The following RPH3AL variants were observed in gnomAD, a reference collection of about 807,000 sequenced individuals.
RPH3AL encodes the protein rab effector Noc2.
Under a neutral mutation model 43.1 loss-of-function variants are expected in RPH3AL, and 38 were observed. The observed-to-expected ratio is 0.88, with a 90% CI of 0.68 to 1.15. RPH3AL has a LOEUF of 1.15. RPH3AL is among the 50% of genes most tolerant of loss of function. The probability of loss-of-function intolerance (pLI) is 0.00; values close to 1 mark genes in which losing one functional copy is unlikely to be tolerated. For missense variants in RPH3AL, 462 were observed against 423.2 expected, an observed-to-expected ratio of 1.09 and a Z score of -0.81; for synonymous variants, 189 against 176.3, an observed-to-expected ratio of 1.07 and a Z score of -0.57.
intron 6 of RPH3AL, 200 bp from the exon 7 acceptor site, chr17:247,485 C>G: frequency 1.9e-6 from 1 of 522,296 alleles, no homozygotes; most frequent in Non-Finnish European, 3.3e-6. Flanking sequence ...TCCAAACCTT[C>G]TTTCTCTCCC....
chr17:326,351 T>G (rs1163636820), intron 3 of RPH3AL, among the ~76,000 whole-genome samples: 2 of 152,158 alleles, frequency 1.3e-5, no homozygotes, highest in Non-Finnish European at 2.9e-5. Flanking sequence ...TAATTGCAAT[T>G]TTTTTTAATT....
rs1340516453 is a variant in RPH3AL, at chr17:309,605, G to A, written c.351+9815C>T. ...CCCAGGCTCCTGCCAGCCTCCTGCT[G>A]GGGGTCCAGGATATGGCACATCCCC... On this transcript the variant is annotated intron_variant, in intron 5 of 9. Transcript: ENST00000331302. Among the ~76,000 whole-genome samples, 4 of 122,090 alleles carry A rather than the reference G, an allele frequency of 3.3e-5. 1 individual carries two copies. Among genetic ancestry groups the A allele is most frequent in the African/African-American group, 1.2e-4 (4 of 33,928 alleles). The allele number at this position is 122,090 out of a possible 152,430, so 80.1% of individuals were successfully genotyped here.
At chr17:216,361 A>G (rs891361423) in intron 8 of RPH3AL, among the ~76,000 whole-genome samples, 1 of 152,042 alleles carries the variant, frequency 6.6e-6, no homozygotes, top group Non-Finnish European at 1.5e-5. Context: ...AAAGTCCACA[A>G]TTATCACAGA....
chr17:253,590 C>G (rs1428251076), intron 6 of RPH3AL, among the ~76,000 whole-genome samples: 1 of 152,120 alleles, frequency 6.6e-6, no homozygotes, highest in East Asian at 1.9e-4. Flanking sequence ...CAGAACTTGC[C>G]AAACTGAAAC....
intron 2 of RPH3AL, among the ~76,000 whole-genome samples, chr17:330,688 C>A (rs1416924698): frequency 6.6e-6 from 1 of 152,048 alleles, no homozygotes; most frequent in Non-Finnish European, 1.5e-5. Flanking sequence ...CCAGCCTGGG[C>A]AACATGGAGA....
At position 323,024 on chromosome 17, in the gene RPH3AL, A is replaced by G. The variant is rs890496826; in HGVS notation, c.78-1609T>C. ...GGCAGGGTAGATAAGGTGCTTTTAC[A>G]TAGCAAATTCCCAATTGCCTGCAAA... On this transcript the variant is annotated intron_variant, in intron 3 of 9. Coordinates refer to ENST00000331302, the MANE Select transcript of RPH3AL (RefSeq NM_006987.4). This position sits in a 1 kb window ranked among gnomAD's most constrained non-coding sequence, Gnocchi z 4.4. Among the ~76,000 whole-genome samples, 3 of 152,124 alleles carry G rather than the reference A, an allele frequency of 2.0e-5. No individual in the cohort carries two copies. Among genetic ancestry groups the G allele is most frequent in the Non-Finnish European group, 2.9e-5 (2 of 68,012 alleles).
At chr17:306,907 C>T (rs1275097991) in intron 5 of RPH3AL, among the ~76,000 whole-genome samples, 2 of 152,162 alleles carry the variant, frequency 1.3e-5, no homozygotes. Flanking sequence ...CCCAGCTGCG[C>T]CCGATGCCCC....
chr17:219,778 C>T, intron 7 of RPH3AL, 42 bp from the exon 8 acceptor site: 2 of 1,462,526 alleles, frequency 1.4e-6, no homozygotes, highest in South Asian at 1.1e-5. Flanking sequence ...ACCCGACCAG[C>T]CCCTACCTGC....
chr17:216,309 G>A (rs545170183), intron 8 of RPH3AL, among the ~76,000 whole-genome samples: 13 of 152,322 alleles, frequency 8.5e-5, no homozygotes, highest in South Asian at 4.1e-4. Flanking sequence ...GTCCAAGAAC[G>A]GGCCTGCAGG....
intron 6 of RPH3AL, chr17:247,513 A>G (rs2041796685): frequency 2.0e-6 from 1 of 509,946 alleles, no homozygotes; most frequent in Admixed American, 3.6e-5. Flanking sequence ...AGAGTTGAGG[A>G]CTTGCTCTGC....
intron 5 of RPH3AL, among the ~76,000 whole-genome samples, chr17:303,089 A>C (rs1196128460): frequency 6.6e-6 from 1 of 152,254 alleles, no homozygotes; most frequent in African/African-American, 2.4e-5. Flanking sequence ...TGAGGTTTAC[A>C]AAGTTAAGAA....
intron 1 of RPH3AL, among the ~76,000 whole-genome samples, chr17:346,275 T>C (rs2045235464): frequency 7.4e-6 from 1 of 134,862 alleles, no homozygotes; most frequent in Non-Finnish European, 1.7e-5. Flanking sequence ...GAACTATGTG[T>C]GTTTGGGGCC....
intron 9 of RPH3AL, chr17:214,726 C>T (rs2040752385): frequency 6.6e-6 from 1 of 151,930 alleles, no homozygotes; most frequent in Non-Finnish European, 1.5e-5. Flanking sequence ...ACGGTGATCA[C>T]ACCAGTGCAC....
intron 5 of RPH3AL, among the ~76,000 whole-genome samples, chr17:298,983 G>A (rs940036735): frequency 1.3e-5 from 2 of 151,736 alleles, no homozygotes; most frequent in African/African-American, 2.4e-5. Context: ...TGCAGCCGGG[G>A]AATGAACTGA....
chr17:295,915 G>A (rs1194440273), intron 5 of RPH3AL, among the ~76,000 whole-genome samples: 2 of 116,024 alleles, frequency 1.7e-5, no homozygotes, highest in Non-Finnish European at 3.6e-5. Context: ...CAGAGGGAAT[G>A]CACATCAGTG....
Position 281,651 on chromosome 17 carries a change from G to C in RPH3AL, c.438+117C>G, listed in dbSNP as rs2042780930. ...AGTGACTGTCCACCCATCCCCATCT[G>C]AGAGCGTATCCAGCCCGCCCAGCCC... is the stretch of plus-strand genomic sequence containing the variant. On this transcript the variant is annotated intron_variant, in intron 6 of 9. Transcript: ENST00000331302. 6.1e-6 allele frequency: 4 copies of C among 653,668 alleles called. No individual in the cohort carries two copies. The South Asian group carries it at 7.5e-5, about 12-fold the overall frequency. 40.5% of individuals were successfully genotyped at this position (653,668 alleles called of 1,614,324 possible). A position where few individuals can be genotyped will look rare whatever the true frequency, so the allele number is the denominator to read the frequency against.
chr17:231,658 G>A (rs1285951477), intron 7 of RPH3AL, among the ~76,000 whole-genome samples: 1 of 152,208 alleles, frequency 6.6e-6, no homozygotes, highest in African/African-American at 2.4e-5. Context: ...GCTAGCATGG[G>A]CCAGGCACAC....
At chr17:253,539 T>C (rs1240446945) in intron 6 of RPH3AL, among the ~76,000 whole-genome samples, 3 of 152,156 alleles carry the variant, frequency 2.0e-5, no homozygotes, top group Non-Finnish European at 4.4e-5. Context: ...TATTAAAGTA[T>C]TCATAACATC....
rs1407986276 is a variant in RPH3AL at position 247,097 on chromosome 17, C to T, written c.613+14G>A. ...TTTACAGGCCATCCTGGGAGAGAGG[C>T]AGAGGGGACTTACCTCTTCCTCGGG... On this transcript the variant is annotated intron_variant, in intron 7 of 9. Transcript: ENST00000331302. 5 of 1,613,952 alleles carry T rather than the reference C, an allele frequency of 3.1e-6. No homozygotes were observed. The highest frequency in any genetic ancestry group is 3.4e-6 in the Non-Finnish European group (4 of 1,179,870).
Sources: gnomAD v4.1 joint callset for allele counts (sites outside exome capture counted in the v4.1 genomes callset) on GRCh38, gnomAD v4.1.1 for gene constraint, Gnocchi (gnomAD v3.1) non-coding constraint, MANE v1.5 for transcripts, NCBI Gene and HGNC (gene_info 2026-07-23, HGNC 2026-07-21) for gene names.